Variants in DPY19L2 observed in about 807,000 individuals in gnomAD.
DPY19L2 encodes the protein probable C-mannosyltransferase DPY19L2.
A neutral mutation model predicts 97.9 loss-of-function variants in DPY19L2; 34 were observed. The ratio of observed to expected loss-of-function variants is 0.35; its 90% CI spans 0.26 to 0.46. The LOEUF is 0.46. DPY19L2 is among the 20% of genes least tolerant of loss of function. DPY19L2 has a pLI of 1.00. For synonymous variants in DPY19L2, 230 were observed against 307.9 expected, an observed-to-expected ratio of 0.75 and a Z score of 2.65; for missense variants, 623 against 911.4, an observed-to-expected ratio of 0.68 and a Z score of 4.07.
chr12:63,582,901 G>A (rs1788592588), intron 17 of DPY19L2, among the ~76,000 whole-genome samples: 1 of 151,996 alleles, frequency 6.6e-6, no homozygotes, highest in African/African-American at 2.4e-5. Context: ...GTGAGGAGGT[G>A]GAGTACCAAC....
At chr12:63,596,650 G>C (rs1430859958) in intron 14 of DPY19L2, among the ~76,000 whole-genome samples, 1 of 152,060 alleles carries the variant, frequency 6.6e-6, no homozygotes, top group Non-Finnish European at 1.5e-5. Flanking sequence ...TGAATGAATG[G>C]GATGACTGGT....
intron 7 of DPY19L2, among the ~76,000 whole-genome samples, chr12:63,625,212 A>G (rs186810562): frequency 9.9e-5 from 15 of 152,208 alleles, no homozygotes; most frequent in African/African-American, 3.4e-4. Context: ...CCTGGCCAAC[A>G]TGGTGAAACT....
chr12:63,560,420 A>G lies in DPY19L2; in HGVS notation c.*92T>C, dbSNP rs1479506300. On this transcript the variant is annotated 3_prime_UTR_variant, in exon 22 of 22. Coordinates refer to ENST00000324472, the MANE Select transcript of DPY19L2 (RefSeq NM_173812.5). ...ATCTTATTTTTAAGTGTCTGTTATT[A>G]AAGCTTGTGATTTTTATTAATGTGA... 1 of 1,401,652 alleles carries G rather than the reference A, an allele frequency of 7.1e-7. No homozygotes were observed. The highest frequency in any genetic ancestry group is 9.5e-7 in the Non-Finnish European group (1 of 1,052,828). 86.8% of individuals were successfully genotyped at this position (1,401,652 alleles called of 1,614,324 possible).
chr12:63,593,084 A>C (rs1372749312), intron 16 of DPY19L2, among the ~76,000 whole-genome samples: 3 of 151,962 alleles, frequency 2.0e-5, no homozygotes, highest in Non-Finnish European at 4.4e-5. Flanking sequence ...TCAAAACCAC[A>C]ATGAGATACC....
At chr12:63,588,216 A>G (rs1403745450) in intron 16 of DPY19L2, among the ~76,000 whole-genome samples, 1 of 152,190 alleles carries the variant, frequency 6.6e-6, no homozygotes, top group Admixed American at 6.5e-5. Context: ...GAAAAATCCA[A>G]AAAAGAATGA....
chr12:63,621,388 C>T, intron 8 of DPY19L2, 51 bp from the exon 9 acceptor site: 1 of 830,320 alleles, frequency 1.2e-6, no homozygotes, highest in Non-Finnish European at 2.0e-6. Context: ...AATGGGCTGT[C>T]ACTGAAAAGA....
At chr12:63,668,768 G>T (rs1420869708), upstream of DPY19L2, 1 of 254,480 alleles carries the variant, frequency 3.9e-6, no homozygotes, top group Non-Finnish European at 7.6e-6. Flanking sequence ...CTTGCGCGCA[G>T]CCCCATGTAC....
At chr12:63,665,340 G>A (rs184989760) in intron 2 of DPY19L2, among the ~76,000 whole-genome samples, 16 of 152,146 alleles carry the variant, frequency 1.1e-4, no homozygotes, top group African/African-American at 3.6e-4. Flanking sequence ...GGGTGTGATG[G>A]TGCACACCTG....
chr12:63,660,383 G>T (rs3932237), intron 4 of DPY19L2, among the ~76,000 whole-genome samples: 1 of 151,092 alleles, frequency 6.6e-6, no homozygotes, highest in Non-Finnish European at 1.5e-5. Flanking sequence ...AAAAATCCTA[G>T]AGTGACACAT....
intron 4 of DPY19L2, among the ~76,000 whole-genome samples, chr12:63,652,240 C>T (rs559233892): frequency 3.9e-5 from 6 of 152,126 alleles, no homozygotes; most frequent in East Asian, 3.9e-4. Context: ...CTAACCCAAT[C>T]GGAATGGCTA....
chr12:63,624,609 G>T (rs7301605), intron 7 of DPY19L2, among the ~76,000 whole-genome samples: 1 of 151,982 alleles, frequency 6.6e-6, no homozygotes, highest in African/African-American at 2.4e-5. Flanking sequence ...CGAATAGCTA[G>T]GATTGCCTCA....
chr12:63,636,772 C>T (rs1240204771), intron 6 of DPY19L2, among the ~76,000 whole-genome samples: 1 of 152,080 alleles, frequency 6.6e-6, no homozygotes, highest in African/African-American at 2.4e-5. Flanking sequence ...CAGGAGCAGC[C>T]AGATTCATAA....
intron 6 of DPY19L2, among the ~76,000 whole-genome samples, chr12:63,631,295 G>C (rs1433397407): frequency 1.3e-5 from 2 of 151,954 alleles, no homozygotes; most frequent in Non-Finnish European, 2.9e-5. Context: ...TTTTGGGAAA[G>C]ATCAACAAAA....
rs1895262434 is a variant in DPY19L2 at position 63,658,531 on chromosome 12, C to A, written c.588+2813G>T. Among the ~76,000 whole-genome samples, 8 of 152,272 alleles carry A rather than the reference C, an allele frequency of 5.3e-5. No individual in the cohort carries two copies. The South Asian group carries it at 1.7e-3, about 32-fold the overall frequency. On this transcript the variant is annotated intron_variant, in intron 4 of 21. Coordinates refer to ENST00000324472, the MANE Select transcript of DPY19L2 (RefSeq NM_173812.5). ...AAGAAACCAAACAAATATCTTCTCC[C>A]AGTTTGTCAACTGTCTTTTGATTTT... is the stretch of plus-strand genomic sequence containing the variant.
intron 15 of DPY19L2, among the ~76,000 whole-genome samples, chr12:63,595,688 A>C (rs1316310823): frequency 1.3e-5 from 2 of 152,158 alleles, no homozygotes; most frequent in Non-Finnish European, 2.9e-5. Context: ...GTTCCAAGAC[A>C]GGAGCGGCCA....
intron 15 of DPY19L2, 32 bp downstream of exon 15, chr12:63,595,934 C>T (rs1017504343): frequency 2.2e-5 from 33 of 1,521,910 alleles, no homozygotes; most frequent in Non-Finnish European, 2.8e-5. Context: ...TATATTGATG[C>T]CAAAAACAAA....
In DPY19L2 at chr12:63,575,233, G is replaced by C. The variant is rs570390261; in HGVS notation, c.1901-4376C>G. On this transcript the variant is annotated intron_variant, in intron 19 of 21. Transcript: ENST00000324472. Reference sequence around the variant, plus strand: ...CCTGAATGACTGGTAGGTTAATAAAGAAATCAAGAAGGAAATTGAAAATGT... The same window carrying C: ...CCTGAATGACTGGTAGGTTAATAAACAAATCAAGAAGGAAATTGAAAATGT... Among the ~76,000 whole-genome samples the C allele has an allele frequency of 8.6e-5, 13 of 151,920 alleles. No individual in the cohort carries two copies. The South Asian group carries it at 2.5e-3, about 29-fold the overall frequency.
At chr12:63,661,017 C>A (rs1895603865) in intron 4 of DPY19L2, 1 of 164,370 alleles carries the variant, frequency 6.1e-6, no homozygotes, top group South Asian at 2.0e-4. Context: ...ACGTGGTCAT[C>A]ATGCTCACCC....
intron 7 of DPY19L2, among the ~76,000 whole-genome samples, chr12:63,626,120 T>C (rs1462050442): frequency 1.3e-5 from 2 of 151,424 alleles, no homozygotes; most frequent in Admixed American, 6.6e-5. Context: ...TTAAATTTCA[T>C]AACTTGTATG....
Sources: allele counts gnomAD v4.1 joint callset (sites outside exome capture counted in the v4.1 genomes callset), GRCh38; gene constraint gnomAD v4.1.1; transcripts MANE v1.5; gene names NCBI Gene and HGNC (gene_info 2026-07-23, HGNC 2026-07-21).